The following MCMBP variants were observed in gnomAD, a reference collection of about 807,000 sequenced individuals.
MCMBP encodes mini-chromosome maintenance complex-binding protein.
In MCMBP, 31 loss-of-function variants were observed where a neutral mutation model predicts 81.3. The observed-to-expected ratio is 0.38, with a 90% CI of 0.29 to 0.51. The LOEUF (loss-of-function observed/expected upper bound fraction) is 0.51. Ranked by LOEUF, MCMBP falls within the 20% of genes least tolerant of loss-of-function variation. MCMBP has a pLI of 0.87. For missense variants in MCMBP, 645 were observed against 772.1 expected, an observed-to-expected ratio of 0.84 and a Z score of 1.95; for synonymous variants, 267 against 275.9, an observed-to-expected ratio of 0.97 and a Z score of 0.32.
intron 14 of MCMBP, among the ~76,000 whole-genome samples, chr10:119,833,077 CTTTTA>C (rs1218649868): frequency 2.6e-5 from 4 of 152,180 alleles, no homozygotes; most frequent in Non-Finnish European, 5.9e-5. Context: ...CTTGCCCCAA[CTTTTA>C]TTTTTATTTA....
chr10:119,829,488 C>T lies in MCMBP; in HGVS notation c.*1986G>A, dbSNP rs1851910134. The T allele has an allele frequency of 6.6e-6, 1 of 152,176 alleles. No individual in the cohort carries two copies. Among genetic ancestry groups the T allele is most frequent in the Non-Finnish European group, 1.5e-5 (1 of 68,038 alleles). The allele number at this position is 152,176 out of a possible 1,614,324, so 9.4% of individuals were successfully genotyped here. ...AAATCATTTTAAGAAGGCAAAGTTC[C>T]AAACAGGGTTACACAGGAGTCTACT... On this transcript the variant is annotated 3_prime_UTR_variant, in exon 16 of 16. Coordinates refer to ENST00000369077, the MANE Select transcript of MCMBP (RefSeq NM_001256378.2).
rs1048972673 is a variant in MCMBP at position 119,840,977 on chromosome 10, T to G, written c.1125-17A>C. The G allele has an allele frequency of 7.0e-7, 1 of 1,426,650 alleles. No individual in the cohort carries two copies. Among genetic ancestry groups the G allele is most frequent in the South Asian group, 1.2e-5 (1 of 83,138 alleles). 88.4% of individuals were successfully genotyped at this position (1,426,650 alleles called of 1,614,324 possible). On this transcript the variant is annotated splice_polypyrimidine_tract_variant and intron_variant, in intron 10 of 15. Transcript: ENST00000369077. ...CTTGTATATCTAGAAAAGAAAGAAA[T>G]CAATCAATAAGATGCTGAAGTGACT...
At chr10:119,873,170 CAG>C, upstream of MCMBP, among the ~76,000 whole-genome samples, 1 of 152,330 alleles carries the variant, frequency 6.6e-6, no homozygotes, top group African/African-American at 2.4e-5. Context: ...TCAGAGACCT[CAG>C]AGTCATCTCT....
chr10:119,837,796 AATTAT>A (rs1024237225), intron 12 of MCMBP, among the ~76,000 whole-genome samples: 2 of 152,114 alleles, frequency 1.3e-5, no homozygotes, highest in Non-Finnish European at 2.9e-5. Context: ...ACAAAAAAAA[AATTAT>A]ATTAGATCTT....
intron 1 of MCMBP, 32 bp downstream of exon 1, chr10:119,872,495 C>A: frequency 8.6e-7 from 1 of 1,167,680 alleles, no homozygotes; most frequent in South Asian, 4.0e-5. Flanking sequence ...CTCGGCTGCC[C>A]GCCCGGCCCG....
At chr10:119,858,099 C>T (rs1853116369) in intron 4 of MCMBP, 1 of 152,014 alleles carries the variant, frequency 6.6e-6, no homozygotes, top group Non-Finnish European at 1.5e-5. Flanking sequence ...TTACAGTATC[C>T]CTTGTTTAAG....
intron 12 of MCMBP, among the ~76,000 whole-genome samples, chr10:119,838,141 G>A (rs1030625643): frequency 2.0e-5 from 3 of 151,248 alleles, no homozygotes; most frequent in African/African-American, 4.9e-5. Context: ...GAACCCTTAC[G>A]ACCCTCAACA....
intron 6 of MCMBP, among the ~76,000 whole-genome samples, chr10:119,852,420 T>G (rs910322261): frequency 6.6e-6 from 1 of 152,246 alleles, no homozygotes; most frequent in Non-Finnish European, 1.5e-5. Context: ...GCGCCTGTTA[T>G]GCCAATGGCT....
intron 5 of MCMBP, among the ~76,000 whole-genome samples, chr10:119,854,195 C>T (rs971902506): frequency 1.3e-5 from 2 of 151,854 alleles, no homozygotes; most frequent in African/African-American, 4.8e-5. Context: ...GTGCCCACCA[C>T]CAAGCCCGGC....
At position 119,857,454 on chromosome 10, in the gene MCMBP, A is replaced by G. The variant is rs896222725; in HGVS notation, c.328-15T>C. On this transcript the variant is annotated splice_polypyrimidine_tract_variant and intron_variant, in intron 4 of 15. Transcript: ENST00000369077. Reference sequence around the variant, plus strand: ...TCTTGTTGAGGCTGTGATATACATAAAAAGTGTTTTTAAAAATTTACTTTA... The same window carrying G: ...TCTTGTTGAGGCTGTGATATACATAGAAAGTGTTTTTAAAAATTTACTTTA... The G allele has an allele frequency of 6.5e-7, 1 of 1,530,244 alleles. No homozygotes were observed. The highest frequency in any genetic ancestry group is 1.4e-5 in the African/African-American group (1 of 71,904). 94.8% of individuals were successfully genotyped at this position (1,530,244 alleles called of 1,614,324 possible). A position where few individuals can be genotyped will look rare whatever the true frequency, so the allele number is the denominator to read the frequency against.
At chr10:119,867,338 A>C (rs1853505397) in intron 1 of MCMBP, among the ~76,000 whole-genome samples, 1 of 140,044 alleles carries the variant, frequency 7.1e-6, no homozygotes, top group African/African-American at 2.6e-5. Context: ...ACTTCAATGG[A>C]GGGAGCACGT....
chr10:119,864,147 C>A (rs1853365276), intron 1 of MCMBP, among the ~76,000 whole-genome samples: 1 of 152,120 alleles, frequency 6.6e-6, no homozygotes, highest in Non-Finnish European at 1.5e-5. Context: ...GGCCACAAGC[C>A]AAGAAATGTG....
chr10:119,829,891 T>C lies in MCMBP; in HGVS notation c.*1583A>G, dbSNP rs1851935564. The C allele has an allele frequency of 3.9e-5, 6 of 152,552 alleles. No individual in the cohort carries two copies. The South Asian group carries it at 1.2e-3, about 32-fold the overall frequency. The allele number at this position is 152,552 out of a possible 1,614,324, so 9.4% of individuals were successfully genotyped here. ...GTATTTTTCTTTGGTAAATTACAAT[T>C]TACATTGGCACAAAAAACACATGGT... On this transcript the variant is annotated 3_prime_UTR_variant, in exon 16 of 16. Transcript: ENST00000369077.
intron 14 of MCMBP, among the ~76,000 whole-genome samples, chr10:119,832,574 C>T (rs770450640): frequency 1.2e-4 from 19 of 152,134 alleles, no homozygotes; most frequent in Admixed American, 1.3e-4. Context: ...CCCCTCCAGG[C>T]GATAATTAGT....
chr10:119,837,258 C>G (rs1266624553), intron 12 of MCMBP, among the ~76,000 whole-genome samples: 1 of 152,124 alleles, frequency 6.6e-6, no homozygotes, highest in Admixed American at 6.5e-5. Flanking sequence ...TAATACCTAG[C>G]ATCTGGTATG....
intron 5 of MCMBP, 70 bp from the exon 6 acceptor site, chr10:119,853,264 CTT>C (rs1852897698): frequency 6.8e-7 from 1 of 1,479,174 alleles, no homozygotes; most frequent in Non-Finnish European, 9.1e-7. Context: ...AATTATATGA[CTT>C]ATAAAAAATT....
At chr10:119,853,000 A>C (rs780785617) in intron 6 of MCMBP, 50 bp downstream of exon 6, 1 of 1,599,990 alleles carries the variant, frequency 6.3e-7, no homozygotes, top group South Asian at 1.1e-5. Context: ...CTGAAAACCA[A>C]TCTACTGTAA....
intron 1 of MCMBP, among the ~76,000 whole-genome samples, chr10:119,872,033 G>A (rs1388311994): frequency 6.6e-6 from 1 of 152,192 alleles, no homozygotes; most frequent in Non-Finnish European, 1.5e-5. Flanking sequence ...GAGAGAATGA[G>A]GGTAGCACAG....
At position 119,843,441 on chromosome 10, in the gene MCMBP, T is replaced by TA. The variant is rs767612513; in HGVS notation, c.828-16dup. Reference sequence around the variant, plus strand: ...CAGAGGCATCCCTGTGGAGAGGTGATAAAGTTTCAATTTAGAGAGACATCA... The same window carrying TA: ...CAGAGGCATCCCTGTGGAGAGGTGATAAAAGTTTCAATTTAGAGAGACATCA... On this transcript the variant is annotated splice_polypyrimidine_tract_variant and intron_variant, in intron 8 of 15. Transcript: ENST00000369077. 9 of 1,605,524 alleles carry TA rather than the reference T, an allele frequency of 5.6e-6. No homozygotes were observed. Among genetic ancestry groups the TA allele is most frequent in the African/African-American group, 2.7e-5 (2 of 74,680 alleles).
Sources: allele counts gnomAD v4.1 joint callset (sites outside exome capture counted in the v4.1 genomes callset), GRCh38; gene constraint gnomAD v4.1.1; transcripts MANE v1.5; gene names NCBI Gene and HGNC (gene_info 2026-07-23, HGNC 2026-07-21).